MYOM3: variants seen among roughly 807,000 people sequenced by gnomAD.
MYOM3 encodes the protein myomesin 3.
MYOM3 carries 155 observed loss-of-function variants against 191.7 expected under a neutral mutation model. That is an observed-to-expected ratio of 0.81 (90% CI 0.71 to 0.92). The LOEUF (loss-of-function observed/expected upper bound fraction) is 0.92, where lower values mean the gene tolerates loss of function less well. MYOM3 is among the 40% of genes least tolerant of loss of function. The probability of loss-of-function intolerance (pLI) is 0.00; values close to 1 mark genes in which losing one functional copy is unlikely to be tolerated. For missense variants in MYOM3, 1,889 were observed against 1,890.6 expected (o/e 1.00, Z 0.02); for synonymous variants, 757 against 762.9 (o/e 0.99, Z 0.13).
intron 16 of MYOM3, 86 bp downstream of exon 16, chr1:24,084,382 T>A (rs1643710749): frequency 6.7e-7 from 1 of 1,485,726 alleles, no homozygotes; most frequent in Non-Finnish European, 9.4e-7. Flanking sequence ...TGATTAAACC[T>A]CTTTTCTTTA....
Position 24,080,190 on chromosome 1 carries a change from G to T in MYOM3, c.2412C>A (p.Pro804=). The T allele has an allele frequency of 6.2e-7, 1 of 1,608,520 alleles. No individual in the cohort carries two copies. Among genetic ancestry groups the T allele is most frequent in the Non-Finnish European group, 8.5e-7 (1 of 1,177,208 alleles). ...CCTCGGATGCCCGTACATCGTACGGGGGGCCTGTGACAAGTGAGAGATGGG... is the reference window on the plus strand; with the variant it reads ...CCTCGGATGCCCGTACATCGTACGGTGGGCCTGTGACAAGTGAGAGATGGG... ...CKEWTMPQPG[P]PYDVRASEVR... Residue 804 remains proline, a synonymous_variant, in exon 20 of 37, where the codon CCC becomes CCA. Transcript: ENST00000374434.
chr1:24,082,111 TG>T lies in MYOM3; in HGVS notation c.2169del (p.Lys724SerfsTer138). 1 of 1,613,746 alleles carries T rather than the reference TG, an allele frequency of 6.2e-7. No homozygotes were observed. The highest frequency in any genetic ancestry group is 8.5e-7 in the Non-Finnish European group (1 of 1,179,966). On this transcript the variant is annotated frameshift_variant, in exon 18 of 37. Transcript: ENST00000374434. LOFTEE classifies it high-confidence loss of function. ...KNEMVIGWKP[P>X]KRRGGGKILG... ...AGGATCTTGCCACCTCCACGACGCT[TG>T]GGGGGTTTCCACCCAATGACCATTT...
intron 33 of MYOM3, 113 bp downstream of exon 33, chr1:24,061,833 C>T (rs1643373056): frequency 1.7e-6 from 2 of 1,165,170 alleles, no homozygotes; most frequent in South Asian, 2.8e-5. Flanking sequence ...CTCAAGCGAT[C>T]CTCCCACTTC....
Position 24,081,449 on chromosome 1 carries a change from T to C in MYOM3, c.2288A>G (p.Asp763Gly), listed in dbSNP as rs368167021. 1 of 1,613,724 alleles carries C rather than the reference T, an allele frequency of 6.2e-7. No individual in the cohort carries two copies. The highest frequency in any genetic ancestry group is 1.3e-5 in the African/African-American group (1 of 74,892). The change falls in exon 19 of 37, where the codon GAC becomes GGC. Residue 763 changes from aspartate to glycine, a missense_variant. Coordinates refer to ENST00000374434, the MANE Select transcript of MYOM3 (RefSeq NM_152372.4). ...PIPTRVCKVS[D>G]LHEGHFYEFR... ...CTCATAGAAGTGGCCTTCATGAAGG[T>C]CACTGACCTTTAAGAGCAGAAACAC...
In MYOM3 at chr1:24,067,275, T is replaced by C. The variant is rs867320610; in HGVS notation, c.3356-187A>G. On this transcript the variant is annotated intron_variant, in intron 27 of 36. Coordinates refer to ENST00000374434, the MANE Select transcript of MYOM3 (RefSeq NM_152372.4). ...CAGAGCGCAAATTTCTTTCTTTCTT[T>C]CTTCCTTCCTTTCTTTCTTTCTTTC... 4.8e-4 allele frequency among the ~76,000 whole-genome samples: 67 copies of C among 139,734 alleles called. 1 individual carries two copies. Among genetic ancestry groups the C allele is most frequent in the Admixed American group, 1.0e-3 (14 of 13,920 alleles). 91.7% of individuals were successfully genotyped at this position (139,734 alleles called of 152,430 possible).
In MYOM3 at chr1:24,062,030, T is replaced by C; in HGVS notation, c.3850A>G (p.Lys1284Glu). The C allele has an allele frequency of 6.2e-7, 1 of 1,614,194 alleles. No individual in the cohort carries two copies. The change falls in exon 33 of 37, where the codon AAA becomes GAA. Residue 1284 changes from lysine to glutamate, a missense_variant. Physicochemically the swap from Lys to Glu is moderately conservative, Grantham distance 56. Coordinates refer to ENST00000374434, the MANE Select transcript of MYOM3 (RefSeq NM_152372.4). ...GTGTATTTGCCCTTGTCTGAGTCTT[T>C]GGGGTCCAGGATGTGAAGCCAGATC... is the stretch of plus-strand genomic sequence containing the variant. ...DEIWLHILDP[K>E]DSDKGKYTLE...
chr1:24,070,969 C>T (rs972861391), intron 25 of MYOM3, 148 bp downstream of exon 25: 2 of 1,011,076 alleles, frequency 2.0e-6, no homozygotes, highest in African/African-American at 1.6e-5. Flanking sequence ...TGTTCCCATC[C>T]CGTCCTCATC....
At chr1:24,069,098 C>T (rs745730472) in intron 25 of MYOM3, among the ~76,000 whole-genome samples, 1 of 152,144 alleles carries the variant, frequency 6.6e-6, no homozygotes, top group Non-Finnish European at 1.5e-5. Flanking sequence ...AAAAAATACT[C>T]GTGTACTTGC....
chr1:24,092,911 C>A (rs746386796), intron 10 of MYOM3, 36 bp downstream of exon 10: 23 of 1,468,580 alleles, frequency 1.6e-5, no homozygotes, highest in Middle Eastern at 2.0e-4. Flanking sequence ...GGTCTCTGGG[C>A]TCCTGCTGCT....
rs770477191 is a variant in MYOM3 at position 24,090,955 on chromosome 1, G to A, written c.1274C>T (p.Ala425Val). The change falls in exon 12 of 37, where the codon GCC (alanine) becomes GTC (valine). Residue 425 changes from alanine to valine, a missense_variant. By Grantham distance (64) the Ala-to-Val change is moderately conservative (BLOSUM62 0). Coordinates refer to ENST00000374434, the MANE Select transcript of MYOM3 (RefSeq NM_152372.4). ...ESGEWIACHE[A>V]PGGTCRCPIQ... Reference sequence around the variant, plus strand: ...TGGGCACCGACAAGTCCCTCCGGGGGCCTCATGGCAGGCGATCCATTCCCC... The same window carrying A: ...TGGGCACCGACAAGTCCCTCCGGGGACCTCATGGCAGGCGATCCATTCCCC... 1.5e-5 allele frequency: 24 copies of A among 1,614,060 alleles called. No individual in the cohort carries two copies. The highest frequency in any genetic ancestry group is 2.0e-5 in the Non-Finnish European group (24 of 1,179,990).
At position 24,067,950 on chromosome 1, in the gene MYOM3, T is replaced by C. The variant is rs1191675176; in HGVS notation, c.3355+20A>G. 4 of 1,613,294 alleles carry C rather than the reference T, an allele frequency of 2.5e-6. No homozygotes were observed. Among genetic ancestry groups the C allele is most frequent in the Non-Finnish European group, 3.4e-6 (4 of 1,179,198 alleles). On this transcript the variant is annotated intron_variant, in intron 27 of 36. Coordinates refer to ENST00000374434, the MANE Select transcript of MYOM3 (RefSeq NM_152372.4). ...GAACCAGTGGCCAGGGATTTTGAAC[T>C]TCACCCCAGCAGCTCTTACCCTGTT...
chr1:24,068,093 G>T (rs1570856576), intron 26 of MYOM3, 64 bp from the exon 27 acceptor site: 1 of 1,592,604 alleles, frequency 6.3e-7, no homozygotes, highest in Non-Finnish European at 8.6e-7. Flanking sequence ...GAGGGGACAT[G>T]GGGTGGACAG....
rs1643869841 is a variant in MYOM3, at chr1:24,094,841, G to A, written c.928+12C>T. 6.2e-7 allele frequency: 1 copy of A among 1,607,138 alleles called. No homozygotes were observed. The highest frequency in any genetic ancestry group is 1.1e-5 in the South Asian group (1 of 89,742). ...GCTCTGGAGGCTGGGGGCCAGGACT[G>A]GGGGTCCTTACCATCTCGGAACCAC... On this transcript the variant is annotated intron_variant, in intron 9 of 36. Coordinates refer to ENST00000374434, the MANE Select transcript of MYOM3 (RefSeq NM_152372.4).
rs1330363102 is a variant in MYOM3 at position 24,090,085 on chromosome 1, A to G, written c.1466T>C (p.Ile489Thr). The G allele has an allele frequency of 6.2e-7, 1 of 1,614,024 alleles. No individual in the cohort carries two copies. Among genetic ancestry groups the G allele is most frequent in the Non-Finnish European group, 8.5e-7 (1 of 1,179,926 alleles). The change falls in exon 13 of 37, where the codon ATC becomes ACC. Residue 489 changes from isoleucine (I) to threonine (T), a missense_variant. Physicochemically the swap from Ile to Thr is moderately conservative, Grantham distance 89 (BLOSUM62 -1). Coordinates refer to ENST00000374434, the MANE Select transcript of MYOM3 (RefSeq NM_152372.4). ...IPFDLGNKIT[I>T]STDAFEDTVT... ...CGTACCTTCAAAAGCGTCTGTGCTGATGGTGATCTTGTTTCCCAGATCAAA... is the reference window on the plus strand; with the variant it reads ...CGTACCTTCAAAAGCGTCTGTGCTGGTGGTGATCTTGTTTCCCAGATCAAA...
chr1:24,063,501 T>C lies in MYOM3; in HGVS notation c.3652A>G (p.Arg1218Gly). The change falls in exon 31 of 37, where the codon AGG becomes GGG. Residue 1218 changes from arginine to glycine, a missense_variant. Coordinates refer to ENST00000374434, the MANE Select transcript of MYOM3 (RefSeq NM_152372.4). The surrounding 1 kb of genome is among the most constrained non-coding windows in gnomAD (Gnocchi z 4.5). ...GAGGCAGGCTGCTTACCACCAATCC[T>C]GCCCAACTCGGTGAAGATGGCATCC... ...ALDAIFTELG[R>G]IGALSATPLK... 1 of 1,614,112 alleles carries C rather than the reference T, an allele frequency of 6.2e-7. No homozygotes were observed. The highest frequency in any genetic ancestry group is 1.1e-5 in the South Asian group (1 of 91,080).
chr1:24,076,817 A>G (rs1160058497), intron 20 of MYOM3, among the ~76,000 whole-genome samples: 1 of 142,216 alleles, frequency 7.0e-6, no homozygotes, highest in African/African-American at 2.6e-5. Context: ...CCCGGCCCCT[A>G]ATGTTTCTTT....
Position 24,093,077 on chromosome 1 carries a change from C to A in MYOM3, c.960G>T (p.Lys320Asn), listed in dbSNP as rs1394177187. ...GSLLRSSRRR[K>N]ILYTDRQASL... Reference sequence around the variant, plus strand: ...ATGCCTGGCGGTCTGTGTAGAGGATCTTCCGACGTCTCGAGGACCTCAGTA... The same window carrying A: ...ATGCCTGGCGGTCTGTGTAGAGGATATTCCGACGTCTCGAGGACCTCAGTA... The change falls in exon 10 of 37, where the codon AAG becomes AAT. Residue 320 changes from lysine to asparagine, a missense_variant. Physicochemically the swap from Lys to Asn is moderately conservative, Grantham distance 94 (BLOSUM62 0). Coordinates refer to ENST00000374434, the MANE Select transcript of MYOM3 (RefSeq NM_152372.4). 1.9e-6 allele frequency: 3 copies of A among 1,611,530 alleles called. No homozygotes were observed. The African/African-American group carries it at 4.0e-5, about 22-fold the overall frequency.
chr1:24,065,366 G>A (rs901141038), intron 29 of MYOM3, among the ~76,000 whole-genome samples: 1 of 152,212 alleles, frequency 6.6e-6, no homozygotes, highest in Non-Finnish European at 1.5e-5. Flanking sequence ...TCTTAACCAG[G>A]CCACGGTCCA....
chr1:24,071,360 T>TCAGGTTCTC, intron 24 of MYOM3, 107 bp from the exon 25 acceptor site: 1 of 1,344,228 alleles, frequency 7.4e-7, no homozygotes, highest in Non-Finnish European at 1.0e-6. Flanking sequence ...TGCAAAACCT[T>TCAGGTTCTC]TAGAGAACCT....
Sources: gnomAD v4.1 joint callset for allele counts (sites outside exome capture counted in the v4.1 genomes callset) on GRCh38, gnomAD v4.1.1 for gene constraint, Gnocchi (gnomAD v3.1) non-coding constraint, MANE v1.5 for transcripts, NCBI Gene and HGNC (gene_info 2026-07-23, HGNC 2026-07-21) for gene names.